Variants in SNAPC3 observed in about 807,000 individuals in gnomAD.
The protein encoded by SNAPC3 is snRNA-activating protein complex subunit 3.
A neutral mutation model predicts 47.7 loss-of-function variants in SNAPC3; 56 were observed. The ratio of observed to expected loss-of-function variants is 1.18; its 90% CI spans 0.95 to 1.47. SNAPC3 has a LOEUF of 1.47. Among genes scored for constraint, SNAPC3 ranks in the 40% most tolerant of loss-of-function variants. The pLI, the probability that SNAPC3 is intolerant of heterozygous loss-of-function variation, is 0.00. For missense variants in SNAPC3, 665 were observed against 511.3 expected, an observed-to-expected ratio of 1.30 and a Z score of -2.90; for synonymous variants, 235 against 189.9, an observed-to-expected ratio of 1.24 and a Z score of -1.95.
intron 3 of SNAPC3, among the ~76,000 whole-genome samples, chr9:15,436,885 G>A (rs889668016): frequency 3.4e-5 from 5 of 145,934 alleles, no homozygotes; most frequent in Non-Finnish European, 7.4e-5. Flanking sequence ...GTGCAATGGT[G>A]CGATCTTGGC....
chr9:15,464,961 AAAG>A (rs1428861304), downstream of SNAPC3: 1 of 216,672 alleles, frequency 4.6e-6, no homozygotes, highest in African/African-American at 2.3e-5. Context: ...ACATTGTTCC[AAAG>A]AAGCTGGATA....
downstream of SNAPC3, among the ~76,000 whole-genome samples, chr9:15,466,470 T>C (rs1366759208): frequency 6.6e-6 from 1 of 152,258 alleles, no homozygotes; most frequent in Non-Finnish European, 1.5e-5. Context: ...ATGCAAGTCA[T>C]TACTAACAGT....
At chr9:15,451,154 T>C (rs1222963761) in intron 5 of SNAPC3, among the ~76,000 whole-genome samples, 166 bp from the exon 6 acceptor site, 1 of 152,088 alleles carries the variant, frequency 6.6e-6, no homozygotes, top group East Asian at 1.9e-4. Flanking sequence ...CACATTTAGA[T>C]CAAACGTAGT....
At chr9:15,459,324 A>T (rs1718242540) in intron 8 of SNAPC3, among the ~76,000 whole-genome samples, 1 of 152,242 alleles carries the variant, frequency 6.6e-6, no homozygotes, top group Non-Finnish European at 1.5e-5. Context: ...TATATTAAGC[A>T]AAAGTCTATC....
At chr9:15,438,643 A>G (rs565104504) in intron 3 of SNAPC3, among the ~76,000 whole-genome samples, 1 of 152,034 alleles carries the variant, frequency 6.6e-6, no homozygotes, top group African/African-American at 2.4e-5. Flanking sequence ...ATTTTTGTCG[A>G]GTGTTGTTAA....
chr9:15,426,135 T>A (rs753450083), intron 2 of SNAPC3, among the ~76,000 whole-genome samples: 1 of 152,224 alleles, frequency 6.6e-6, no homozygotes, highest in East Asian at 1.9e-4. Context: ...ATTACAGATA[T>A]GAGCCACCGC....
intron 6 of SNAPC3, 95 bp from the exon 7 acceptor site, chr9:15,452,945 GC>G: frequency 6.0e-6 from 6 of 994,506 alleles, no homozygotes; most frequent in Non-Finnish European, 8.9e-6. Flanking sequence ...AGTTGGGTGA[GC>G]TAGGTTAATG....
At chr9:15,426,129 C>T (rs2031359836) in intron 2 of SNAPC3, among the ~76,000 whole-genome samples, 1 of 152,178 alleles carries the variant, frequency 6.6e-6, no homozygotes, top group South Asian at 2.1e-4. Flanking sequence ...GTTGGGATTA[C>T]AGATATGAGC....
intron 2 of SNAPC3, among the ~76,000 whole-genome samples, chr9:15,426,068 G>C (rs1000362100): frequency 1.3e-5 from 2 of 152,126 alleles, no homozygotes; most frequent in African/African-American, 4.8e-5. Flanking sequence ...TGTTGGTCAG[G>C]CTCCATGTTG....
intron 3 of SNAPC3, among the ~76,000 whole-genome samples, chr9:15,441,383 C>CTTTTTTTTTTTTT (rs77103785): frequency 5.7e-4 from 34 of 59,560 alleles, no homozygotes; most frequent in African/African-American, 7.3e-4. Context: ...GTTCCCTTTT[C>CTTTTTTTTTTTTT]TTTTTTTTTT....
chr9:15,428,970 GAAAA>G (rs199801032), intron 2 of SNAPC3, among the ~76,000 whole-genome samples: 1 of 149,254 alleles, frequency 6.7e-6, no homozygotes, highest in Non-Finnish European at 1.5e-5. Context: ...TCCAGAAATT[GAAAA>G]AAAAACTAAA....
At chr9:15,432,245 C>A (rs1398357347) in intron 2 of SNAPC3, among the ~76,000 whole-genome samples, 1 of 152,086 alleles carries the variant, frequency 6.6e-6, no homozygotes, top group South Asian at 2.1e-4. Context: ...TCAGTATAAA[C>A]TCATAGTTTT....
intron 2 of SNAPC3, among the ~76,000 whole-genome samples, chr9:15,430,178 C>G (rs1006399143): frequency 6.6e-6 from 1 of 152,218 alleles, no homozygotes; most frequent in South Asian, 2.1e-4. Context: ...TGCCTGTACT[C>G]TCAACACTTG....
chr9:15,459,654 C>G, intron 8 of SNAPC3, 65 bp from the exon 9 acceptor site: 1 of 1,277,296 alleles, frequency 7.8e-7, no homozygotes, highest in East Asian at 2.3e-5. Context: ...TGCTACAGGT[C>G]ATAAAGCATG....
Position 15,454,850 on chromosome 9 carries a change from C to T in SNAPC3, c.980+1645C>T, listed in dbSNP as rs548705442. ...TCGGGAGGCTGAGGCAGGAGAATGGCGTGAACCCGGGAGGTGGAGCATGCA... is the reference window on the plus strand; with the variant it reads ...TCGGGAGGCTGAGGCAGGAGAATGGTGTGAACCCGGGAGGTGGAGCATGCA... On this transcript the variant is annotated intron_variant, in intron 7 of 8. Transcript: ENST00000380821. 3.7e-3 allele frequency among the ~76,000 whole-genome samples: 558 copies of T among 152,262 alleles called. 1 individual carries two copies. Among genetic ancestry groups the T allele is most frequent in the African/African-American group, 0.013 (548 of 41,552 alleles).
At position 15,433,568 on chromosome 9, in the gene SNAPC3, T is replaced by A; in HGVS notation, c.409T>A (p.Leu137Met). 6.2e-7 allele frequency: 1 copy of A among 1,605,472 alleles called. No homozygotes were observed. The highest frequency in any genetic ancestry group is 8.5e-7 in the Non-Finnish European group (1 of 1,175,068). The part of the protein sequence containing the change: ...LVTLGVRKRF[L>M]EHREETITID... ...CTACAACAGGGTTAGAAAAAGGTTC[T>A]TGGAACATCGGGAAGAAACCATTAC... Residue 137 changes from leucine to methionine, a missense_variant, in exon 3 of 9, where the codon TTG becomes ATG. By Grantham distance (15) the Leu-to-Met change is conservative (BLOSUM62 2). Transcript: ENST00000380821.
intron 2 of SNAPC3, among the ~76,000 whole-genome samples, chr9:15,432,453 A>T (rs1007879018): frequency 6.6e-6 from 1 of 152,272 alleles, no homozygotes; most frequent in East Asian, 1.9e-4. Context: ...CAAGTGGTTG[A>T]TTCCGGGGAC....
At chr9:15,432,818 A>G (rs1254632029) in intron 2 of SNAPC3, among the ~76,000 whole-genome samples, 3 of 152,366 alleles carry the variant, frequency 2.0e-5, no homozygotes, top group East Asian at 1.9e-4. Context: ...CAGCACAGTA[A>G]TAAATGTTGC....
intron 5 of SNAPC3, among the ~76,000 whole-genome samples, chr9:15,448,389 C>T (rs2034108847): frequency 6.7e-6 from 1 of 148,880 alleles, no homozygotes. Flanking sequence ...TTTTTCATGT[C>T]TCTGAGTATT....
Sources: gnomAD v4.1 joint callset for allele counts (sites outside exome capture counted in the v4.1 genomes callset) on GRCh38, gnomAD v4.1.1 for gene constraint, MANE v1.5 for transcripts, NCBI Gene and HGNC (gene_info 2026-07-23, HGNC 2026-07-21) for gene names.